Variants in NBDY observed in about 807,000 individuals in gnomAD.
NBDY encodes the protein negative regulator of P-body association.
chrX:56,756,374 A>G (rs1295810705), intron 2 of NBDY, among the ~76,000 whole-genome samples: 1 of 109,669 alleles, frequency 9.1e-6, no homozygotes, highest in Non-Finnish European at 1.9e-5. Flanking sequence ...AAAACAATTA[A>G]AAGATCCATT....
At chrX:56,813,930 T>C (rs1316982507) in intron 2 of NBDY, among the ~76,000 whole-genome samples, 2 of 112,117 alleles carry the variant, frequency 1.8e-5, no homozygotes, top group African/African-American at 6.5e-5. Flanking sequence ...CTCCCGTTCA[T>C]TGTCATTGCT....
At chrX:56,767,772 G>C (rs1016631102) in intron 2 of NBDY, among the ~76,000 whole-genome samples, 1 of 104,241 alleles carries the variant, frequency 9.6e-6, no homozygotes, top group Admixed American at 1.0e-4. Context: ...CAGGGTTGTG[G>C]TTGTACTTGG....
chrX:56,817,052 T>C (rs757685154), intron 2 of NBDY, among the ~76,000 whole-genome samples: 3 of 111,477 alleles, frequency 2.7e-5, no homozygotes, highest in Non-Finnish European at 5.7e-5. Flanking sequence ...GGGAGAAATA[T>C]GCCTAAGATA....
intron 2 of NBDY, among the ~76,000 whole-genome samples, chrX:56,742,713 T>G (rs2069537452): frequency 8.9e-6 from 1 of 111,911 alleles, no homozygotes; most frequent in Non-Finnish European, 1.9e-5. Context: ...TATCAGTTCT[T>G]ATAGTTTTTG....
Position 56,754,936 on chromosome X carries a change from G to A in NBDY, c.*166+22737G>A, listed in dbSNP as rs187102941. 1.8e-4 allele frequency among the ~76,000 whole-genome samples: 20 copies of A among 111,431 alleles called. No individual in the cohort carries two copies. In the East Asian group the frequency reaches 3.1e-3, roughly 17 times the overall value. On this transcript the variant is annotated intron_variant, in intron 2 of 2. Coordinates refer to ENST00000374922, the MANE Select transcript of NBDY (RefSeq NM_001348129.2). ...AAAATATCAACAAAATTGACAAAAC[G>A]TTACCAAATACCTGAAATAATAAGT...
At chrX:56,760,451 C>T (rs1292664270) in intron 2 of NBDY, among the ~76,000 whole-genome samples, 2 of 112,445 alleles carry the variant, frequency 1.8e-5, no homozygotes, top group Non-Finnish European at 3.8e-5. Context: ...TTTGGGAAGC[C>T]GAGGCAGGCA....
intron 2 of NBDY, among the ~76,000 whole-genome samples, chrX:56,734,239 G>T (rs778240937): frequency 1.8e-5 from 2 of 111,756 alleles, no homozygotes; most frequent in South Asian, 3.8e-4. Flanking sequence ...ATGCAATCTG[G>T]AACTAGGACC....
rs1356777944 is a variant in NBDY at position 56,818,625 on chromosome X, A to G, written c.*1472A>G. ...ATGACAACACTCTTCAAAATAATCA[A>G]ACTATTCAATGCAACCCTTATCAAA... On this transcript the variant is annotated 3_prime_UTR_variant, in exon 3 of 3. Coordinates refer to ENST00000374922, the MANE Select transcript of NBDY (RefSeq NM_001348129.2). 8.9e-6 allele frequency: 1 copy of G among 112,042 alleles called. No homozygotes were observed. The highest frequency in any genetic ancestry group is 1.9e-5 in the Non-Finnish European group (1 of 53,209). The allele number at this position is 112,042 out of a possible 1,213,427, so 9.2% of individuals were successfully genotyped here.
intron 2 of NBDY, among the ~76,000 whole-genome samples, chrX:56,753,681 C>A (rs1839991159): frequency 9.0e-6 from 1 of 111,091 alleles, no homozygotes; most frequent in South Asian, 3.8e-4. Context: ...AATGAGGATT[C>A]CTGAAACCTA....
chrX:56,797,740 T>A (rs1458715437), intron 2 of NBDY, among the ~76,000 whole-genome samples: 2 of 111,157 alleles, frequency 1.8e-5, no homozygotes, highest in East Asian at 5.7e-4. Flanking sequence ...GTGTGTACAG[T>A]CAGGCTGTCT....
At chrX:56,792,758 C>T (rs745505267) in intron 2 of NBDY, among the ~76,000 whole-genome samples, 5 of 111,644 alleles carry the variant, frequency 4.5e-5, no homozygotes, top group South Asian at 3.8e-4. Flanking sequence ...GTGAGACAGG[C>T]GAGCATTCCT....
rs1414754209 is a variant in NBDY at position 56,817,690 on chromosome X, A to T, written c.*537A>T. The T allele has an allele frequency of 8.9e-6, 1 of 112,255 alleles. No homozygotes were observed. Among genetic ancestry groups the T allele is most frequent in the Non-Finnish European group, 1.9e-5 (1 of 53,224 alleles). The allele number at this position is 112,255 out of a possible 1,213,427, so 9.3% of individuals were successfully genotyped here. ...AGTGTTGAAATATGACCTTCTTCCT[A>T]CATTTATTCATTTATTTATGTCTAT... is the stretch of plus-strand genomic sequence containing the variant. On this transcript the variant is annotated 3_prime_UTR_variant, in exon 3 of 3. Coordinates refer to ENST00000374922, the MANE Select transcript of NBDY (RefSeq NM_001348129.2).
At chrX:56,803,526 G>A (rs951874955) in intron 2 of NBDY, among the ~76,000 whole-genome samples, 8 of 111,786 alleles carry the variant, frequency 7.2e-5, no homozygotes, top group Middle Eastern at 4.2e-3. Flanking sequence ...GGGGCTGCCT[G>A]GCTGCTCTGT....
intron 2 of NBDY, among the ~76,000 whole-genome samples, chrX:56,743,648 T>C (rs1034464276): frequency 1.8e-5 from 2 of 111,350 alleles, no homozygotes; most frequent in African/African-American, 3.2e-5. Context: ...TCTCTGGTTT[T>C]ATTTATTTGG....
At chrX:56,762,701 C>T (rs769080740) in intron 2 of NBDY, among the ~76,000 whole-genome samples, 3 of 111,153 alleles carry the variant, frequency 2.7e-5, no homozygotes, top group Non-Finnish European at 5.7e-5. Flanking sequence ...CCAGTCAAGC[C>T]ATGTGAACAC....
chrX:56,748,634 G>A (rs1485406345), intron 2 of NBDY, among the ~76,000 whole-genome samples: 2 of 106,680 alleles, frequency 1.9e-5, no homozygotes, highest in Admixed American at 1.0e-4. Context: ...AGGATGAGGG[G>A]GAAACCTGAA....
intron 2 of NBDY, among the ~76,000 whole-genome samples, chrX:56,800,982 C>T (rs2069819423): frequency 9.0e-6 from 1 of 111,361 alleles, no homozygotes; most frequent in Non-Finnish European, 1.9e-5. Flanking sequence ...GGGTACTTCC[C>T]TACCCAGGCC....
intron 2 of NBDY, among the ~76,000 whole-genome samples, chrX:56,786,946 T>C (rs752749289): frequency 7.2e-5 from 8 of 111,513 alleles, no homozygotes; most frequent in African/African-American, 1.3e-4. Context: ...TCGTGGTGAA[T>C]GAATGCCCCC....
intron 2 of NBDY, among the ~76,000 whole-genome samples, chrX:56,786,669 C>T (rs1420462288): frequency 4.6e-5 from 5 of 109,516 alleles, no homozygotes; most frequent in Middle Eastern, 4.6e-3. Context: ...TCTTCTTGTG[C>T]CTCTGCCTCC....
Sources: gnomAD v4.1 joint callset for allele counts (sites outside exome capture counted in the v4.1 genomes callset) on GRCh38, gnomAD v4.1.1 for gene constraint, MANE v1.5 for transcripts, NCBI Gene and HGNC (gene_info 2026-07-23, HGNC 2026-07-21) for gene names.